UBR3: variants seen among roughly 807,000 people sequenced by gnomAD.
The protein encoded by UBR3 is E3 ubiquitin-protein ligase UBR3.
UBR3 carries 85 observed loss-of-function variants against 243.2 expected under a neutral mutation model. The ratio of observed to expected loss-of-function variants is 0.35; its 90% CI spans 0.29 to 0.42. The LOEUF (loss-of-function observed/expected upper bound fraction) is 0.42. UBR3 is among the 10% of genes least tolerant of loss of function. The pLI is 1.00. For missense variants in UBR3, 1,686 were observed against 2,300.8 expected, an observed-to-expected ratio of 0.73 and a Z score of 5.47; for synonymous variants, 748 against 799.8, an observed-to-expected ratio of 0.94 and a Z score of 1.09.
intron 11 of UBR3, among the ~76,000 whole-genome samples, chr2:169,917,433 G>C (rs1361089842): frequency 2.0e-5 from 3 of 152,130 alleles, no homozygotes; most frequent in African/African-American, 4.8e-5. Context: ...AGTAGCATCA[G>C]TAAGACAACA....
chr2:170,042,982 G>C (rs530246974), intron 32 of UBR3, among the ~76,000 whole-genome samples: 3 of 151,968 alleles, frequency 2.0e-5, no homozygotes, highest in African/African-American at 7.2e-5. Flanking sequence ...GTGTCACTTT[G>C]GTTAGTTTTT....
intron 5 of UBR3, among the ~76,000 whole-genome samples, chr2:169,881,059 T>C (rs961854882): frequency 2.0e-5 from 3 of 152,218 alleles, no homozygotes; most frequent in African/African-American, 7.2e-5. Flanking sequence ...TAAAATACTT[T>C]ATTTCAGCCC....
At chr2:170,013,047 TTGAATG>T (rs1042710541) in intron 29 of UBR3, among the ~76,000 whole-genome samples, 1 of 152,100 alleles carries the variant, frequency 6.6e-6, no homozygotes, top group African/African-American at 2.4e-5. Flanking sequence ...CCAAACTAAT[TTGAATG>T]TATTTGTGTT....
intron 27 of UBR3, among the ~76,000 whole-genome samples, chr2:170,005,975 A>G (rs191723521): frequency 1.3e-5 from 2 of 152,216 alleles, no homozygotes; most frequent in Admixed American, 1.3e-4. Flanking sequence ...GATGTGAGAG[A>G]TGTAGGAGGG....
chr2:169,939,523 T>C (rs1343920197), intron 19 of UBR3, among the ~76,000 whole-genome samples: 3 of 151,692 alleles, frequency 2.0e-5, no homozygotes, highest in Non-Finnish European at 2.9e-5. Flanking sequence ...CACCTCAGTC[T>C]CCCAAAGTGC....
chr2:169,850,406 T>G (rs1030629987), intron 1 of UBR3, among the ~76,000 whole-genome samples: 2 of 152,090 alleles, frequency 1.3e-5, no homozygotes, highest in African/African-American at 4.8e-5. Flanking sequence ...CTTGAACTCC[T>G]TGAGTCAAGG....
intron 19 of UBR3, among the ~76,000 whole-genome samples, chr2:169,933,933 C>T (rs116623580): frequency 6.5e-4 from 99 of 152,324 alleles, no homozygotes; most frequent in African/African-American, 2.2e-3. Context: ...GCATCTCTCT[C>T]TCCGTTTCTC....
At chr2:169,983,252 CTTTTTT>C (rs72194627) in intron 24 of UBR3, among the ~76,000 whole-genome samples, 3 of 72,000 alleles carry the variant, frequency 4.2e-5, no homozygotes, top group Non-Finnish European at 7.7e-5. Flanking sequence ...ATTCTCTCTC[CTTTTTT>C]TTTTTTTTTT....
At chr2:169,842,002 C>T (rs542301448) in intron 1 of UBR3, among the ~76,000 whole-genome samples, 9 of 152,356 alleles carry the variant, frequency 5.9e-5, no homozygotes, top group Non-Finnish European at 1.2e-4. Flanking sequence ...GCTCCTGAGT[C>T]TGGTGGGGAC....
intron 27 of UBR3, among the ~76,000 whole-genome samples, chr2:170,005,565 A>T (rs2089885112): frequency 6.6e-6 from 1 of 152,168 alleles, no homozygotes; most frequent in South Asian, 2.1e-4. Flanking sequence ...GGAGAAAAAG[A>T]AGGGAGTAAA....
rs373501262 is a variant in UBR3, at chr2:169,839,899, G to A, written c.545+11847G>A. The stretch of plus-strand genomic sequence containing the variant: ...AATTAAAGAAAGAGGAAAGAAACAC[G>A]AAAGGTGGCTTGCTGGTCAAGACAG... On this transcript the variant is annotated intron_variant, in intron 1 of 38. Transcript: ENST00000272793. Among the ~76,000 whole-genome samples the A allele has an allele frequency of 2.5e-4, 36 of 142,324 alleles. No individual in the cohort carries two copies. In the South Asian group the frequency reaches 6.9e-3, roughly 27 times the overall value. 93.4% of individuals were successfully genotyped at this position (142,324 alleles called of 152,430 possible).
intron 36 of UBR3, chr2:170,077,519 T>C: frequency 5.3e-6 from 5 of 948,316 alleles, no homozygotes; most frequent in Non-Finnish European, 7.8e-6. Flanking sequence ...AGTAGTTTTC[T>C]TGTAAAGCCA....
chr2:170,039,610 G>A lies in UBR3; in HGVS notation c.4557-1272G>A, dbSNP rs1043603051. ...CAGCAGTGTGTTTAGTGCCTGACCT[G>A]TAGTAAGTAATTAGTAAATATTTGC... is the stretch of plus-strand genomic sequence containing the variant. On this transcript the variant is annotated intron_variant, in intron 31 of 38. Coordinates refer to ENST00000272793, the MANE Select transcript of UBR3 (RefSeq NM_172070.4). 7.9e-5 allele frequency among the ~76,000 whole-genome samples: 12 copies of A among 152,128 alleles called. No individual in the cohort carries two copies. In the South Asian group the frequency reaches 8.3e-4, roughly 10 times the overall value.
chr2:169,978,385 C>T (rs2088563387), intron 24 of UBR3, among the ~76,000 whole-genome samples: 1 of 152,006 alleles, frequency 6.6e-6, no homozygotes, highest in South Asian at 2.1e-4. Flanking sequence ...TTTAGGTTGC[C>T]ACAGAGTCAG....
chr2:170,083,993 C>A lies in UBR3; in HGVS notation c.*2150C>A, dbSNP rs1291448619. 6.6e-6 allele frequency: 1 copy of A among 152,416 alleles called. No homozygotes were observed. Among genetic ancestry groups the A allele is most frequent in the Non-Finnish European group, 1.5e-5 (1 of 67,976 alleles). The allele number at this position is 152,416 out of a possible 1,614,324, so 9.4% of individuals were successfully genotyped here. A position where few individuals can be genotyped will look rare whatever the true frequency, so the allele number is the denominator to read the frequency against. ...TGGTGTGATATCTTGTATGAATGATCATTTAAATACAGTACATTACTGTAG... is the reference window on the plus strand; with the variant it reads ...TGGTGTGATATCTTGTATGAATGATAATTTAAATACAGTACATTACTGTAG... On this transcript the variant is annotated 3_prime_UTR_variant, in exon 39 of 39. Transcript: ENST00000272793.
At chr2:169,903,771 A>C (rs145359434) in intron 8 of UBR3, among the ~76,000 whole-genome samples, 70 of 152,168 alleles carry the variant, frequency 4.6e-4, no homozygotes, top group African/African-American at 1.2e-3. Context: ...TTGTAATCCC[A>C]GCTACTGAGG....
At chr2:170,042,214 T>G (rs1308815624) in intron 32 of UBR3, among the ~76,000 whole-genome samples, 2 of 152,212 alleles carry the variant, frequency 1.3e-5, no homozygotes, top group Non-Finnish European at 2.9e-5. Flanking sequence ...ATTAATGATA[T>G]TATACATTAC....
intron 19 of UBR3, among the ~76,000 whole-genome samples, chr2:169,940,937 G>A (rs1030248419): frequency 3.9e-5 from 6 of 152,154 alleles, no homozygotes; most frequent in Non-Finnish European, 7.3e-5. Flanking sequence ...GTCCCACCTG[G>A]AATATGGATT....
At chr2:170,017,100 A>G (rs1428844308) in intron 30 of UBR3, among the ~76,000 whole-genome samples, 1 of 151,926 alleles carries the variant, frequency 6.6e-6, no homozygotes, top group Non-Finnish European at 1.5e-5. Context: ...AATAAAATTC[A>G]AACTTAAGTT....
Sources: gnomAD v4.1 joint callset for allele counts (sites outside exome capture counted in the v4.1 genomes callset) on GRCh38, gnomAD v4.1.1 for gene constraint, MANE v1.5 for transcripts, NCBI Gene and HGNC (gene_info 2026-07-23, HGNC 2026-07-21) for gene names.